The following PTPRS variants were observed in gnomAD, a reference collection of about 807,000 sequenced individuals.
PTPRS encodes the protein protein tyrosine phosphatase receptor type S.
In PTPRS, 63 loss-of-function variants were observed where a neutral mutation model predicts 215.3. The observed-to-expected ratio is 0.29, with a 90% CI of 0.24 to 0.36. The LOEUF is 0.36. Among genes scored for constraint, PTPRS ranks in the 10% least tolerant of loss-of-function variants. PTPRS has a pLI of 1.00. For synonymous variants in PTPRS, 1,404 were observed against 1,191.4 expected (o/e 1.18, Z -3.68); for missense variants, 2,258 against 2,825.8 (o/e 0.80, Z 4.56).
intron 2 of PTPRS, among the ~76,000 whole-genome samples, chr19:5,278,649 A>G (rs1173958042): frequency 3.3e-5 from 5 of 151,262 alleles, no homozygotes; most frequent in Admixed American, 6.6e-5. Flanking sequence ...TAATTTTTGT[A>G]TTTTTAGTAG....
At chr19:5,216,368 G>A (rs1046722844) in intron 26 of PTPRS, among the ~76,000 whole-genome samples, 9 of 152,152 alleles carry the variant, frequency 5.9e-5, no homozygotes, top group African/African-American at 2.2e-4. Flanking sequence ...AGACCAGCTG[G>A]TAACATTTAA....
chr19:5,279,729 C>T (rs1273767669), intron 2 of PTPRS, among the ~76,000 whole-genome samples: 3 of 151,946 alleles, frequency 2.0e-5, no homozygotes, highest in Non-Finnish European at 2.9e-5. Flanking sequence ...GTCACCCAGG[C>T]GGGAGTGCTG....
chr19:5,278,313 G>A (rs1446020963), intron 2 of PTPRS, among the ~76,000 whole-genome samples: 1 of 151,810 alleles, frequency 6.6e-6, no homozygotes, highest in East Asian at 1.9e-4. Context: ...CAATCTCCCA[G>A]GCTCAAGCGA....
intron 2 of PTPRS, among the ~76,000 whole-genome samples, chr19:5,276,550 G>GT (rs1402735026): frequency 2.1e-4 from 30 of 142,714 alleles, no homozygotes; most frequent in East Asian, 1.5e-3. Context: ...TTTTGTTTTT[G>GT]TTTTTTTTGA....
At chr19:5,206,953 C>T in intron 37 of PTPRS, 111 bp from the exon 38 acceptor site, 9 of 945,328 alleles carry the variant, frequency 9.5e-6, no homozygotes, top group Admixed American at 4.1e-5. Context: ...GTGTCTCTTG[C>T]AGAAGGTCTC....
intron 30 of PTPRS, among the ~76,000 whole-genome samples, chr19:5,212,900 T>C (rs1382717393): frequency 6.7e-6 from 1 of 150,158 alleles, no homozygotes; most frequent in African/African-American, 2.5e-5. Context: ...AGTGCCTGAC[T>C]TGGGCTCTAG....
chr19:5,299,072 C>T (rs1477760948), intron 1 of PTPRS, among the ~76,000 whole-genome samples: 1 of 152,228 alleles, frequency 6.6e-6, no homozygotes, highest in Non-Finnish European at 1.5e-5. Flanking sequence ...GCCCTGGTCC[C>T]CAGCCTCCCA....
At position 5,237,684 on chromosome 19, in the gene PTPRS, C is replaced by T. The variant is rs1249850700; in HGVS notation, c.1849+1235G>A. ...TTTTTGTGAACCTGCTTGAGACCAG[C>T]GTGTACTCACCTTCAGGACACCTCA... On this transcript the variant is annotated intron_variant, in intron 13 of 37. Coordinates refer to ENST00000262963, the MANE Select transcript of PTPRS (RefSeq NM_002850.4). The surrounding 1 kb of genome is among the most constrained non-coding windows in gnomAD (Gnocchi z 4.2). Among the ~76,000 whole-genome samples the T allele has an allele frequency of 6.6e-6, 1 of 152,110 alleles. No homozygotes were observed. The highest frequency in any genetic ancestry group is 2.4e-5 in the African/African-American group (1 of 41,432).
Position 5,210,567 on chromosome 19 carries a change from C to G in PTPRS, c.5389G>C (p.Glu1797Gln). The G allele has an allele frequency of 6.2e-7, 1 of 1,614,174 alleles. No homozygotes were observed. Among genetic ancestry groups the G allele is most frequent in the Non-Finnish European group, 8.5e-7 (1 of 1,180,014 alleles). ...AAGTACTGGTAGCGGGCAGAGCGCT[C>G]GGCCGGCCAGTACTGGTGACACTTC... ...REKCHQYWPA[E>Q]RSARYQYFVV... Residue 1797 changes from glutamate to glutamine, a missense_variant, in exon 35 of 38, where the codon GAG becomes CAG. Glu to Gln is a conservative substitution (Grantham distance 29). Transcript: ENST00000262963. The surrounding 1 kb of genome is among the most constrained non-coding windows in gnomAD (Gnocchi z 4.5).
intron 1 of PTPRS, among the ~76,000 whole-genome samples, chr19:5,306,481 C>T (rs577053953): frequency 6.6e-6 from 1 of 152,028 alleles, no homozygotes; most frequent in Non-Finnish European, 1.5e-5. Context: ...AAATGATATT[C>T]TGTTCGAATC....
chr19:5,220,933 G>T, intron 20 of PTPRS, 67 bp downstream of exon 20: 1 of 1,527,414 alleles, frequency 6.5e-7, no homozygotes. Flanking sequence ...AGGGCACGTG[G>T]CTTGCCCCAG....
chr19:5,218,437 A>T lies in PTPRS; in HGVS notation c.4031T>A (p.Ile1344Asn). The T allele has an allele frequency of 6.2e-7, 1 of 1,613,702 alleles. No individual in the cohort carries two copies. Among genetic ancestry groups the T allele is most frequent in the Non-Finnish European group, 8.5e-7 (1 of 1,179,912 alleles). The change falls in exon 25 of 38, where the codon ATT becomes AAT. Residue 1344 changes from isoleucine to asparagine, a missense_variant. By Grantham distance (149) the Ile-to-Asn change is moderately radical. Transcript: ENST00000262963. ...GTACATACCTGGAGTCTGGAAGTTA[A>T]TGCGTCTCATTTCCACAGGGTCCTT... ...HPKDPVEMRR[I>N]NFQTPDSGLR... is the part of the protein sequence containing the mutation.
At chr19:5,248,199 T>A (rs1474982357) in intron 9 of PTPRS, among the ~76,000 whole-genome samples, 1 of 150,844 alleles carries the variant, frequency 6.6e-6, no homozygotes, top group East Asian at 2.0e-4. Context: ...CAGAACACAA[T>A]GGGGAAATGA....
At chr19:5,256,016 G>T in intron 9 of PTPRS, 92 bp downstream of exon 9, 1 of 1,080,092 alleles carries the variant, frequency 9.3e-7, no homozygotes, top group Non-Finnish European at 1.3e-6. Context: ...GTGTGTCCGT[G>T]TGGTGTCTAC....
At chr19:5,303,736 G>A (rs994412586) in intron 1 of PTPRS, among the ~76,000 whole-genome samples, 3 of 151,996 alleles carry the variant, frequency 2.0e-5, no homozygotes, top group African/African-American at 4.8e-5. Context: ...GATCACTTGA[G>A]GTCAGTAGTT....
At chr19:5,313,317 A>G (rs1199421227) in intron 1 of PTPRS, among the ~76,000 whole-genome samples, 2 of 152,198 alleles carry the variant, frequency 1.3e-5, no homozygotes, top group Non-Finnish European at 2.9e-5. Flanking sequence ...CTCAAGGGCA[A>G]AGTGAGCAGA....
chr19:5,311,394 G>T (rs2051119218), intron 1 of PTPRS, among the ~76,000 whole-genome samples: 1 of 152,138 alleles, frequency 6.6e-6, no homozygotes, highest in Admixed American at 6.5e-5. Context: ...CCCAACACCT[G>T]ACCCTGTGAG....
At position 5,332,209 on chromosome 19, in the gene PTPRS, C is replaced by A. The variant is rs151241199; in HGVS notation, c.-95+8455G>T. Among the ~76,000 whole-genome samples the A allele has an allele frequency of 7.8e-3, 1,183 of 152,114 alleles. 14 individuals carry two copies. The highest frequency in any genetic ancestry group is 0.013 in the Non-Finnish European group (878 of 68,002). ...GTGGCATGATCTCAGCTCACTGCAA[C>A]CTCCGCCTCCCAGGTTCAAGCGATT... On this transcript the variant is annotated intron_variant, in intron 1 of 37. Transcript: ENST00000262963.
chr19:5,213,253 G>A (rs955001160), intron 30 of PTPRS, among the ~76,000 whole-genome samples: 12 of 145,956 alleles, frequency 8.2e-5, no homozygotes, highest in African/African-American at 2.7e-4. Flanking sequence ...AGCAGCCAGA[G>A]GGCACCTGAG....
Sources: allele counts gnomAD v4.1 joint callset (sites outside exome capture counted in the v4.1 genomes callset), GRCh38; gene constraint gnomAD v4.1.1; non-coding constraint Gnocchi (gnomAD v3.1); transcripts MANE v1.5; gene names NCBI Gene and HGNC (gene_info 2026-07-23, HGNC 2026-07-21).